Variants in ST6GALNAC3 observed in about 807,000 individuals in gnomAD.
ST6GALNAC3 encodes alpha-N-acetylgalactosaminide alpha-2,6-sialyltransferase 3.
ST6GALNAC3 carries 25 observed loss-of-function variants against 32.7 expected under a neutral mutation model. The ratio of observed to expected loss-of-function variants is 0.76; its 90% CI spans 0.56 to 1.07. The LOEUF (loss-of-function observed/expected upper bound fraction) is 1.07. Ranked by LOEUF, ST6GALNAC3 falls within the 50% of genes least tolerant of loss-of-function variation. ST6GALNAC3 has a pLI of 0.00. For synonymous variants in ST6GALNAC3, 129 were observed against 133.1 expected, an observed-to-expected ratio of 0.97 and a Z score of 0.21; for missense variants, 355 against 382.4, an observed-to-expected ratio of 0.93 and a Z score of 0.60.
intron 3 of ST6GALNAC3, among the ~76,000 whole-genome samples, chr1:76,542,281 G>C (rs1664038313): frequency 6.6e-6 from 1 of 152,088 alleles, no homozygotes; most frequent in Admixed American, 6.6e-5. Context: ...TTTAGGATTA[G>C]GGGTACTAGT....
At chr1:76,599,231 T>G (rs572791157) in intron 3 of ST6GALNAC3, among the ~76,000 whole-genome samples, 304 of 6,758 alleles carry the variant, frequency 0.045, no homozygotes, top group African/African-American at 0.11. Context: ...GATTTTGTGT[T>G]TTTTTTTTAG....
At chr1:76,391,175 C>T (rs976289309) in intron 2 of ST6GALNAC3, among the ~76,000 whole-genome samples, 1 of 152,072 alleles carries the variant, frequency 6.6e-6, no homozygotes, top group Non-Finnish European at 1.5e-5. Flanking sequence ...CTCATGACCT[C>T]GTGATCCGCC....
intron 2 of ST6GALNAC3, among the ~76,000 whole-genome samples, chr1:76,351,741 C>T (rs1215002561): frequency 1.3e-5 from 2 of 152,078 alleles, no homozygotes; most frequent in African/African-American, 2.4e-5. Context: ...TCTATCCCAA[C>T]GTAATTATTA....
At chr1:76,326,326 G>T (rs955137612) in intron 2 of ST6GALNAC3, among the ~76,000 whole-genome samples, 3 of 152,136 alleles carry the variant, frequency 2.0e-5, no homozygotes, top group Admixed American at 6.6e-5. Flanking sequence ...CAAAATGAAG[G>T]GGGGAGTAAA....
chr1:76,588,315 C>T (rs1646995209), intron 3 of ST6GALNAC3, among the ~76,000 whole-genome samples: 1 of 152,056 alleles, frequency 6.6e-6, no homozygotes, highest in Non-Finnish European at 1.5e-5. Flanking sequence ...CCTTCCCCAC[C>T]TATCTCCTCC....
intron 1 of ST6GALNAC3, among the ~76,000 whole-genome samples, chr1:76,193,283 A>C (rs951833711): frequency 7.2e-5 from 11 of 152,110 alleles, no homozygotes; most frequent in Non-Finnish European, 1.3e-4. Context: ...CACCATTAGA[A>C]AATGTCTTTA....
intron 2 of ST6GALNAC3, among the ~76,000 whole-genome samples, chr1:76,364,392 A>G (rs1045992196): frequency 2.6e-5 from 4 of 152,060 alleles, no homozygotes; most frequent in Non-Finnish European, 5.9e-5. Flanking sequence ...TCTACTTTAA[A>G]AAATACAAAA....
At chr1:76,326,287 G>A (rs17626669) in intron 2 of ST6GALNAC3, among the ~76,000 whole-genome samples, 2,503 of 152,228 alleles carry the variant, frequency 0.016, 27 homozygotes, top group South Asian at 0.026. Context: ...CCTCACATCT[G>A]TTAACATCCC....
intron 3 of ST6GALNAC3, among the ~76,000 whole-genome samples, chr1:76,420,119 C>T (rs1654929524): frequency 6.6e-6 from 1 of 152,018 alleles, no homozygotes; most frequent in Non-Finnish European, 1.5e-5. Flanking sequence ...CAGTGCTTTT[C>T]AAACTTTAAT....
intron 3 of ST6GALNAC3, among the ~76,000 whole-genome samples, chr1:76,507,258 T>C (rs1331154809): frequency 6.6e-6 from 1 of 152,214 alleles, no homozygotes; most frequent in Non-Finnish European, 1.5e-5. Context: ...TTTCCTTTTC[T>C]TTTTTAAAAT....
chr1:76,362,754 G>A (rs982466559), intron 2 of ST6GALNAC3, among the ~76,000 whole-genome samples: 2 of 152,204 alleles, frequency 1.3e-5, no homozygotes, highest in Non-Finnish European at 2.9e-5. Flanking sequence ...TCTCACATCT[G>A]GGACACACTG....
chr1:76,443,146 G>T (rs1426988771), intron 3 of ST6GALNAC3, among the ~76,000 whole-genome samples: 9 of 151,944 alleles, frequency 5.9e-5, no homozygotes, highest in South Asian at 2.1e-4. Context: ...TGTTTTTTTT[G>T]TTGTTGTTGT....
chr1:76,576,332 G>A (rs1371420045), intron 3 of ST6GALNAC3, among the ~76,000 whole-genome samples: 1 of 152,062 alleles, frequency 6.6e-6, no homozygotes, highest in Non-Finnish European at 1.5e-5. Flanking sequence ...TGTGGAAAAT[G>A]AAGTGTTTTT....
In ST6GALNAC3 at chr1:76,335,527, G is replaced by T. The variant is rs553289619; in HGVS notation, c.213+21528G>T. 2.2e-4 allele frequency among the ~76,000 whole-genome samples: 34 copies of T among 152,184 alleles called. No homozygotes were observed. The South Asian group carries it at 5.6e-3, about 25-fold the overall frequency. On this transcript the variant is annotated intron_variant, in intron 2 of 4. Coordinates refer to ENST00000328299, the MANE Select transcript of ST6GALNAC3 (RefSeq NM_152996.4). Reference sequence around the variant, plus strand: ...CTCACGTGCACAGCTTTGAGAGGGGGGAAGAAACTGGAGTTCCAGAGAAAA... The same window carrying T: ...CTCACGTGCACAGCTTTGAGAGGGGTGAAGAAACTGGAGTTCCAGAGAAAA...
At chr1:76,231,401 G>T (rs966034748) in intron 1 of ST6GALNAC3, among the ~76,000 whole-genome samples, 1 of 152,176 alleles carries the variant, frequency 6.6e-6, no homozygotes, top group African/African-American at 2.4e-5. Flanking sequence ...CAATTCAGCA[G>T]TATTAAGTAT....
intron 1 of ST6GALNAC3, among the ~76,000 whole-genome samples, chr1:76,100,942 G>T (rs560140334): frequency 6.6e-6 from 1 of 151,772 alleles, no homozygotes; most frequent in African/African-American, 2.4e-5. Flanking sequence ...TGCCCCATCC[G>T]TGCACAGCCT....
intron 3 of ST6GALNAC3, among the ~76,000 whole-genome samples, chr1:76,468,677 T>G (rs921848054): frequency 3.8e-5 from 5 of 131,514 alleles, no homozygotes; most frequent in African/African-American, 1.4e-4. Context: ...TTGTAATACT[T>G]GAGGATCTAC....
intron 2 of ST6GALNAC3, among the ~76,000 whole-genome samples, chr1:76,356,312 T>C (rs1400297528): frequency 6.6e-6 from 1 of 152,110 alleles, no homozygotes; most frequent in Non-Finnish European, 1.5e-5. Flanking sequence ...TTTTGAATGC[T>C]TTTGATCGGA....
chr1:76,569,540 A>G (rs922243998), intron 3 of ST6GALNAC3, among the ~76,000 whole-genome samples: 1 of 152,178 alleles, frequency 6.6e-6, no homozygotes, highest in African/African-American at 2.4e-5. Flanking sequence ...ACTGGTTGCA[A>G]ATGAAACTTT....
Sources: allele counts gnomAD v4.1 joint callset (sites outside exome capture counted in the v4.1 genomes callset), GRCh38; gene constraint gnomAD v4.1.1; transcripts MANE v1.5; gene names NCBI Gene and HGNC (gene_info 2026-07-23, HGNC 2026-07-21).